Variants in SLC5A12 observed in about 807,000 individuals in gnomAD.
SLC5A12 encodes the protein sodium-coupled monocarboxylate transporter 2.
A neutral mutation model predicts 72.7 loss-of-function variants in SLC5A12; 46 were observed. The ratio of observed to expected loss-of-function variants is 0.63; its 90% CI spans 0.50 to 0.81. The LOEUF (loss-of-function observed/expected upper bound fraction) is 0.81. Ranked by LOEUF, SLC5A12 falls within the 30% of genes least tolerant of loss-of-function variation. The probability of loss-of-function intolerance (pLI) is 0.00; values close to 1 mark genes in which losing one functional copy is unlikely to be tolerated. For synonymous variants in SLC5A12, 275 were observed against 264.4 expected, an observed-to-expected ratio of 1.04 and a Z score of -0.39; for missense variants, 683 against 740.7, an observed-to-expected ratio of 0.92 and a Z score of 0.90.
At chr11:26,692,442 A>G (rs1385033466) in intron 9 of SLC5A12, 47 bp downstream of exon 9, 1 of 1,273,136 alleles carries the variant, frequency 7.9e-7, no homozygotes, top group Admixed American at 1.7e-5. Context: ...CATCTACCAC[A>G]TGTACATTTC....
At chr11:26,671,924 T>A (rs1854153058) in intron 14 of SLC5A12, among the ~76,000 whole-genome samples, 1 of 152,164 alleles carries the variant, frequency 6.6e-6, no homozygotes, top group Admixed American at 6.6e-5. Context: ...AAATTGCTCA[T>A]CTGGGTAAAC....
intron 3 of SLC5A12, among the ~76,000 whole-genome samples, chr11:26,710,397 T>G (rs1437175871): frequency 2.0e-5 from 3 of 152,034 alleles, no homozygotes; most frequent in Non-Finnish European, 4.4e-5. Flanking sequence ...GGATGCTGGG[T>G]TCTAGATCCT....
chr11:26,692,355 T>C, intron 9 of SLC5A12, 134 bp downstream of exon 9: 1 of 646,480 alleles, frequency 1.5e-6, no homozygotes, highest in Non-Finnish European at 2.8e-6. Flanking sequence ...TAAGAATCTA[T>C]GTGTGGGATT....
In SLC5A12 at chr11:26,670,531, G is replaced by A. The variant is rs1283317545; in HGVS notation, c.*571C>T. ...CAGCTAATGACTGGAATGACTGGAAGAGGACCTGACAGTGGTGGTGAAGGG... is the reference window on the plus strand; with the variant it reads ...CAGCTAATGACTGGAATGACTGGAAAAGGACCTGACAGTGGTGGTGAAGGG... On this transcript the variant is annotated 3_prime_UTR_variant, in exon 15 of 15. Coordinates refer to ENST00000396005, the MANE Select transcript of SLC5A12 (RefSeq NM_178498.4). The A allele has an allele frequency of 6.6e-6, 1 of 151,994 alleles. No individual in the cohort carries two copies. Among genetic ancestry groups the A allele is most frequent in the African/African-American group, 2.4e-5 (1 of 41,394 alleles). 9.4% of individuals were successfully genotyped at this position (151,994 alleles called of 1,614,324 possible).
chr11:26,705,858 A>G (rs1289942420), intron 4 of SLC5A12, among the ~76,000 whole-genome samples: 1 of 151,744 alleles, frequency 6.6e-6, no homozygotes, highest in East Asian at 1.9e-4. Flanking sequence ...CAAAAGGCAG[A>G]TTATAGCCAC....
chr11:26,674,938 T>C (rs1368105839), intron 13 of SLC5A12, among the ~76,000 whole-genome samples: 1 of 152,170 alleles, frequency 6.6e-6, no homozygotes, highest in Admixed American at 6.6e-5. Context: ...ATGGTGAACT[T>C]TTCTAGAAGC....
chr11:26,714,977 G>A (rs1221588017), intron 1 of SLC5A12, among the ~76,000 whole-genome samples: 1 of 152,050 alleles, frequency 6.6e-6, no homozygotes, highest in Non-Finnish European at 1.5e-5. Flanking sequence ...TACAGAGGAA[G>A]GGAAGTCAGT....
rs1854539711 is a variant in SLC5A12 at position 26,686,548 on chromosome 11, A to G, written c.1154-4T>C. On this transcript the variant is annotated splice_region_variant and splice_polypyrimidine_tract_variant and intron_variant, in intron 9 of 14. Transcript: ENST00000396005. The stretch of plus-strand genomic sequence containing the variant: ...CACATCACGCCAAATAAGAGACCTG[A>G]AAGAAAGAAAAATTACAATCATAAT... 1 of 1,613,594 alleles carries G rather than the reference A, an allele frequency of 6.2e-7. No homozygotes were observed. Among genetic ancestry groups the G allele is most frequent in the African/African-American group, 1.3e-5 (1 of 75,038 alleles).
At chr11:26,680,339 G>T (rs9943565) in intron 12 of SLC5A12, among the ~76,000 whole-genome samples, 1 of 129,164 alleles carries the variant, frequency 7.7e-6, no homozygotes. Context: ...ATATATATAT[G>T]TATATATATT....
chr11:26,687,719 G>C (rs942027286), intron 9 of SLC5A12, among the ~76,000 whole-genome samples: 42 of 152,138 alleles, frequency 2.8e-4, no homozygotes, highest in African/African-American at 1.0e-3. Flanking sequence ...AATCAGGCTA[G>C]TCATCTTTGA....
intron 9 of SLC5A12, among the ~76,000 whole-genome samples, chr11:26,689,155 G>A (rs921752767): frequency 6.6e-6 from 1 of 151,802 alleles, no homozygotes; most frequent in Non-Finnish European, 1.5e-5. Flanking sequence ...CAGCACTTAG[G>A]GAGGCCTAGG....
rs1854048928 is a variant in SLC5A12, at chr11:26,668,408, G to A, written c.*2694C>T. The A allele has an allele frequency of 6.6e-6, 1 of 151,938 alleles. No homozygotes were observed. Among genetic ancestry groups the A allele is most frequent in the African/African-American group, 2.4e-5 (1 of 41,376 alleles). The allele number at this position is 151,938 out of a possible 1,614,324, so 9.4% of individuals were successfully genotyped here. ...TTGAGAATGTCTCTGGTCATGCTGT[G>A]GCAAAAACAGCCACAAGTTTAACCC... On this transcript the variant is annotated 3_prime_UTR_variant, in exon 15 of 15. Coordinates refer to ENST00000396005, the MANE Select transcript of SLC5A12 (RefSeq NM_178498.4).
At position 26,681,153 on chromosome 11, in the gene SLC5A12, G is replaced by T; in HGVS notation, c.1377C>A (p.Tyr459Ter). The change falls in exon 12 of 15, where the codon TAC becomes TAA. Residue 459 changes from tyrosine (Y) to a stop codon, truncating the protein, a stop_gained. Transcript: ENST00000396005. LOFTEE classifies it high-confidence loss of function. The stretch of plus-strand genomic sequence containing the variant: ...GCCATGTCTTAGAGGCTGGTGCAGG[G>T]TAAATGAAGGCCCCAATGGCCACCC... Reference protein sequence around the residue: ...SFWVAIGAFIYPAPASKTWPL... With the variant: ...SFWVAIGAFI 1 of 1,611,912 alleles carries T rather than the reference G, an allele frequency of 6.2e-7. No individual in the cohort carries two copies. Among genetic ancestry groups the T allele is most frequent in the Non-Finnish European group, 8.5e-7 (1 of 1,179,066 alleles).
At chr11:26,709,461 A>G in intron 3 of SLC5A12, 82 bp from the exon 4 acceptor site, 1 of 1,048,398 alleles carries the variant, frequency 9.5e-7, no homozygotes, top group Non-Finnish European at 1.4e-6. Flanking sequence ...AAGACACAAT[A>G]TTTTTATCAG....
chr11:26,693,187 T>C (rs1854725059), intron 8 of SLC5A12, among the ~76,000 whole-genome samples: 1 of 152,190 alleles, frequency 6.6e-6, no homozygotes, highest in Non-Finnish European at 1.5e-5. Context: ...GAGACCTAAA[T>C]TGACATGTAG....
chr11:26,704,023 A>G, intron 4 of SLC5A12, 76 bp from the exon 5 acceptor site: 1 of 1,441,982 alleles, frequency 6.9e-7, no homozygotes. Context: ...CTCTCTGCTA[A>G]TGCATGCATG....
intron 8 of SLC5A12, among the ~76,000 whole-genome samples, chr11:26,693,361 A>G (rs1854730073): frequency 6.6e-6 from 1 of 152,188 alleles, no homozygotes; most frequent in Admixed American, 6.5e-5. Context: ...TGCTAGAATG[A>G]TATTATAACA....
chr11:26,677,140 C>T (rs1854285129), intron 13 of SLC5A12, among the ~76,000 whole-genome samples: 1 of 151,952 alleles, frequency 6.6e-6, no homozygotes, highest in Non-Finnish European at 1.5e-5. Context: ...GAGGCAAGAA[C>T]ATCTGGTGGT....
At chr11:26,715,988 A>G (rs142413587) in intron 1 of SLC5A12, among the ~76,000 whole-genome samples, 1 of 152,338 alleles carries the variant, frequency 6.6e-6, no homozygotes, top group East Asian at 1.9e-4. Context: ...TTTATTTTGG[A>G]GTAGTATGCT....
Sources: gnomAD v4.1 joint callset for allele counts (sites outside exome capture counted in the v4.1 genomes callset) on GRCh38, gnomAD v4.1.1 for gene constraint, MANE v1.5 for transcripts, NCBI Gene and HGNC (gene_info 2026-07-23, HGNC 2026-07-21) for gene names.